Variants in ARHGAP24 observed in about 807,000 individuals in gnomAD.
The protein encoded by ARHGAP24 is Rho GTPase activating protein 24, also known as rho GTPase-activating protein 24.
A neutral mutation model predicts 76.4 loss-of-function variants in ARHGAP24; 50 were observed. That is an observed-to-expected ratio of 0.65 (90% confidence interval 0.52 to 0.83). ARHGAP24 has a LOEUF of 0.83. Ranked by LOEUF, ARHGAP24 falls within the 40% of genes least tolerant of loss-of-function variation. The pLI is 0.00. For synonymous variants in ARHGAP24, 345 were observed against 323.3 expected (o/e 1.07, Z -0.72); for missense variants, 930 against 914.2 (o/e 1.02, Z -0.22).
intron 3 of ARHGAP24, among the ~76,000 whole-genome samples, chr4:85,827,232 A>C (rs1166454146): frequency 1.3e-5 from 2 of 152,158 alleles, no homozygotes; most frequent in East Asian, 3.8e-4. Context: ...CTATATTTTA[A>C]TATGGAAGTT....
chr4:85,996,891 T>C (rs1291771345), intron 9 of ARHGAP24, among the ~76,000 whole-genome samples: 2 of 152,218 alleles, frequency 1.3e-5, no homozygotes, highest in East Asian at 1.9e-4. Flanking sequence ...GGTCACACTT[T>C]AAATGTAGTA....
At chr4:85,489,628 A>G (rs933100724) in intron 1 of ARHGAP24, among the ~76,000 whole-genome samples, 1 of 152,140 alleles carries the variant, frequency 6.6e-6, no homozygotes, top group African/African-American at 2.4e-5. Context: ...CTGCTCCACA[A>G]ACCTTTGCAG....
chr4:85,689,226 G>A (rs575123306), intron 2 of ARHGAP24, among the ~76,000 whole-genome samples: 3 of 152,120 alleles, frequency 2.0e-5, no homozygotes, highest in Non-Finnish European at 2.9e-5. Context: ...ATTTCATTTA[G>A]CAGTGTTTTG....
intron 1 of ARHGAP24, among the ~76,000 whole-genome samples, chr4:85,564,483 T>C (rs1449293107): frequency 1.3e-5 from 2 of 151,524 alleles, no homozygotes; most frequent in East Asian, 1.9e-4. Flanking sequence ...ATGGCACATG[T>C]ATACATATGT....
intron 2 of ARHGAP24, among the ~76,000 whole-genome samples, chr4:85,612,627 T>C (rs1264323597): frequency 6.6e-6 from 1 of 152,014 alleles, no homozygotes; most frequent in Non-Finnish European, 1.5e-5. Context: ...TTTCAAAAAC[T>C]CAGAAGAATA....
chr4:85,988,540 T>G (rs1352761831), intron 8 of ARHGAP24, among the ~76,000 whole-genome samples: 1 of 150,924 alleles, frequency 6.6e-6, no homozygotes, highest in Non-Finnish European at 1.5e-5. Flanking sequence ...GAACAACTAC[T>G]AAAAAATAAA....
At chr4:85,548,415 G>T (rs533777049) in intron 1 of ARHGAP24, among the ~76,000 whole-genome samples, 77 of 152,216 alleles carry the variant, frequency 5.1e-4, no homozygotes, top group Middle Eastern at 3.4e-3. Context: ...TGTGCCTATC[G>T]ATGAAAAACC....
intron 3 of ARHGAP24, among the ~76,000 whole-genome samples, chr4:85,903,801 G>T (rs1468892272): frequency 6.6e-6 from 1 of 151,982 alleles, no homozygotes; most frequent in Non-Finnish European, 1.5e-5. Context: ...TATAGTGACT[G>T]GCATGAAAAT....
At chr4:85,501,955 C>G (rs1374187146) in intron 1 of ARHGAP24, among the ~76,000 whole-genome samples, 1 of 152,054 alleles carries the variant, frequency 6.6e-6, no homozygotes, top group Non-Finnish European at 1.5e-5. Flanking sequence ...AGCCAGTTTT[C>G]CCAGCCCTAT....
At chr4:85,725,076 T>TA (rs915303575) in intron 3 of ARHGAP24, among the ~76,000 whole-genome samples, 3 of 152,150 alleles carry the variant, frequency 2.0e-5, no homozygotes, top group Non-Finnish European at 2.9e-5. Context: ...TGAAATGTTT[T>TA]AAAAAAATAA....
intron 1 of ARHGAP24, among the ~76,000 whole-genome samples, chr4:85,495,458 G>C (rs906494339): frequency 1.4e-5 from 2 of 138,178 alleles, no homozygotes; most frequent in African/African-American, 5.4e-5. Flanking sequence ...TCATGCCATT[G>C]TCCTGCCTCA....
At chr4:85,779,232 T>C (rs749737320) in intron 3 of ARHGAP24, among the ~76,000 whole-genome samples, 26 of 152,244 alleles carry the variant, frequency 1.7e-4, no homozygotes, top group Non-Finnish European at 3.5e-4. Context: ...TTTGTTTCTT[T>C]GTTGTATCTT....
At chr4:85,642,608 TA>T (rs1721562760) in intron 2 of ARHGAP24, among the ~76,000 whole-genome samples, 1 of 152,040 alleles carries the variant, frequency 6.6e-6, no homozygotes, top group African/African-American at 2.4e-5. Flanking sequence ...TTGAATAAAA[TA>T]AAAACCTTGC....
intron 3 of ARHGAP24, 69 bp from the exon 4 acceptor site, chr4:85,923,579 T>G: frequency 6.2e-7 from 1 of 1,606,182 alleles, no homozygotes; most frequent in Non-Finnish European, 8.5e-7. Context: ...TTTCAGGGGT[T>G]CTTCTGGAGG....
chr4:85,509,788 G>C (rs1325471160), intron 1 of ARHGAP24, among the ~76,000 whole-genome samples: 1 of 151,880 alleles, frequency 6.6e-6, no homozygotes, highest in East Asian at 1.9e-4. Context: ...CTTTTCATGT[G>C]ATGTTTAATT....
At chr4:85,805,258 CA>C (rs1728740256) in intron 3 of ARHGAP24, among the ~76,000 whole-genome samples, 1 of 152,114 alleles carries the variant, frequency 6.6e-6, no homozygotes, top group Non-Finnish European at 1.5e-5. Flanking sequence ...CGCCTCCCAA[CA>C]CCACCCATTC....
At chr4:85,809,037 A>G (rs183544469) in intron 3 of ARHGAP24, among the ~76,000 whole-genome samples, 2 of 152,314 alleles carry the variant, frequency 1.3e-5, no homozygotes, top group Non-Finnish European at 2.9e-5. Context: ...TGTCATAAGC[A>G]TTGCATAGAA....
intron 2 of ARHGAP24, among the ~76,000 whole-genome samples, chr4:85,689,639 T>C (rs1465407851): frequency 1.3e-5 from 2 of 152,154 alleles, no homozygotes; most frequent in African/African-American, 4.8e-5. Flanking sequence ...TCTGCCCTCC[T>C]CAGCCTCCCA....
chr4:85,684,139 C>G (rs1723335718), intron 2 of ARHGAP24, among the ~76,000 whole-genome samples: 2 of 152,164 alleles, frequency 1.3e-5, no homozygotes, highest in South Asian at 2.1e-4. Flanking sequence ...TTGGATTATA[C>G]AGCAGTTCTG....
Sources: allele counts gnomAD v4.1 joint callset (sites outside exome capture counted in the v4.1 genomes callset), GRCh38; gene constraint gnomAD v4.1.1; transcripts MANE v1.5; gene names NCBI Gene and HGNC (gene_info 2026-07-23, HGNC 2026-07-21).